Variants in LDLRAD3 observed in about 807,000 individuals in gnomAD.
LDLRAD3 encodes the protein low density lipoprotein receptor class A domain containing 3.
LDLRAD3 carries 20 observed loss-of-function variants against 29.4 expected under a neutral mutation model. The observed-to-expected ratio is 0.68, with a 90% CI of 0.48 to 0.99. The LOEUF is 0.99. Ranked by LOEUF, LDLRAD3 falls within the 50% of genes least tolerant of loss-of-function variation. The pLI is 0.00. For synonymous variants in LDLRAD3, 157 were observed against 192.7 expected (o/e 0.81, Z 1.53); for missense variants, 420 against 454.3 (o/e 0.92, Z 0.69).
chr11:35,958,861 C>A (rs951328497), intron 1 of LDLRAD3, among the ~76,000 whole-genome samples: 1 of 152,146 alleles, frequency 6.6e-6, no homozygotes, highest in Non-Finnish European at 1.5e-5. Context: ...AAGGTGACAA[C>A]CACCCCAGAC....
intron 2 of LDLRAD3, among the ~76,000 whole-genome samples, chr11:36,065,080 CTAGT>C (rs1306539067): frequency 6.6e-6 from 1 of 152,186 alleles, no homozygotes; most frequent in African/African-American, 2.4e-5. Flanking sequence ...GATCTTCAGC[CTAGT>C]TATTCTATCC....
In LDLRAD3 at chr11:36,140,992, T is replaced by TTCTCTCTCTCTCTCTCTC. The variant is rs557939353; in HGVS notation, c.454+42558_454+42575dup. Among the ~76,000 whole-genome samples, 1,076 of 109,996 alleles carry TTCTCTCTCTCTCTCTCTC rather than the reference T, an allele frequency of 9.8e-3. 87 individuals are homozygous for TTCTCTCTCTCTCTCTCTC. The highest frequency in any genetic ancestry group is 0.013 in the Non-Finnish European group (699 of 53,344). 72.2% of individuals were successfully genotyped at this position (109,996 alleles called of 152,430 possible). A position where few individuals can be genotyped will look rare whatever the true frequency, so the allele number is the denominator to read the frequency against. ...TTTTAATTCTGGGTGCTGTTGAGCT[T>TTCTCTCTCTCTCTCTCTC]TCTCTCTCTCTCTCTCTCTCTCTCT... On this transcript the variant is annotated intron_variant, in intron 4 of 5. Coordinates refer to ENST00000315571, the MANE Select transcript of LDLRAD3 (RefSeq NM_174902.4).
chr11:36,086,659 T>C (rs1378912271), intron 3 of LDLRAD3, among the ~76,000 whole-genome samples: 1 of 152,202 alleles, frequency 6.6e-6, no homozygotes, highest in East Asian at 1.9e-4. Context: ...CTTTCTCTTC[T>C]TAGTGTCTCT....
chr11:35,997,484 C>T, intron 1 of LDLRAD3: 1 of 390,176 alleles, frequency 2.6e-6, no homozygotes, highest in South Asian at 2.2e-5. Flanking sequence ...TGGGTCTGTT[C>T]TGAATGGTCA....
chr11:36,058,562 T>C (rs943465893), intron 2 of LDLRAD3, among the ~76,000 whole-genome samples: 12 of 152,240 alleles, frequency 7.9e-5, no homozygotes, highest in African/African-American at 2.4e-4. Context: ...GAGAGCCCTC[T>C]GAATGTCTGA....
intron 4 of LDLRAD3, among the ~76,000 whole-genome samples, chr11:36,175,914 C>T (rs1057396506): frequency 1.3e-5 from 2 of 152,044 alleles, no homozygotes; most frequent in African/African-American, 4.8e-5. Flanking sequence ...ATTGAAGTCC[C>T]CCACTATTAT....
At chr11:36,196,049 C>A (rs1182963671) in intron 4 of LDLRAD3, among the ~76,000 whole-genome samples, 1 of 148,930 alleles carries the variant, frequency 6.7e-6, no homozygotes, top group Non-Finnish European at 1.5e-5. Context: ...AAAAAGCATA[C>A]CCCATCCAAA....
At chr11:35,962,382 T>C (rs1381473732) in intron 1 of LDLRAD3, among the ~76,000 whole-genome samples, 2 of 152,126 alleles carry the variant, frequency 1.3e-5, no homozygotes, top group African/African-American at 4.8e-5. Flanking sequence ...CTCATCTCAG[T>C]CTCGTTTTGC....
intron 4 of LDLRAD3, among the ~76,000 whole-genome samples, chr11:36,190,005 C>G (rs926472516): frequency 2.1e-5 from 3 of 146,144 alleles, no homozygotes; most frequent in Non-Finnish European, 4.4e-5. Context: ...CCAAGGATCA[C>G]CAGACATTTG....
chr11:35,946,030 T>C (rs1434948798), intron 1 of LDLRAD3, among the ~76,000 whole-genome samples: 2 of 152,198 alleles, frequency 1.3e-5, no homozygotes, highest in African/African-American at 4.8e-5. Flanking sequence ...TCTAGGCAGG[T>C]TGGAGTGTGT....
chr11:36,093,919 G>A (rs991286269), intron 3 of LDLRAD3, among the ~76,000 whole-genome samples: 1 of 151,910 alleles, frequency 6.6e-6, no homozygotes, highest in Non-Finnish European at 1.5e-5. Context: ...AAAGGTTAAA[G>A]TTGAAGACAC....
chr11:36,130,593 T>C (rs1278022915), intron 4 of LDLRAD3, among the ~76,000 whole-genome samples: 1 of 152,150 alleles, frequency 6.6e-6, no homozygotes, highest in Admixed American at 6.5e-5. Flanking sequence ...TCTGCTAAGA[T>C]AGTGATGACT....
At chr11:36,073,071 A>C (rs147188066) in intron 2 of LDLRAD3, among the ~76,000 whole-genome samples, 2 of 152,222 alleles carry the variant, frequency 1.3e-5, no homozygotes, top group African/African-American at 4.8e-5. Flanking sequence ...GGTATTAGTA[A>C]GTAGAGCTCA....
intron 4 of LDLRAD3, among the ~76,000 whole-genome samples, chr11:36,102,864 G>T: frequency 6.6e-6 from 1 of 152,096 alleles, no homozygotes; most frequent in East Asian, 1.9e-4. Flanking sequence ...TACAAATGTT[G>T]ACTGAATGTG....
At chr11:36,022,277 C>T (rs1042082325) in intron 1 of LDLRAD3, among the ~76,000 whole-genome samples, 2 of 152,078 alleles carry the variant, frequency 1.3e-5, no homozygotes, top group African/African-American at 4.8e-5. Flanking sequence ...TGTTATGTAC[C>T]TACATTACAT....
At chr11:36,138,888 T>C (rs1294094791) in intron 4 of LDLRAD3, among the ~76,000 whole-genome samples, 1 of 152,240 alleles carries the variant, frequency 6.6e-6, no homozygotes, top group East Asian at 1.9e-4. Context: ...TAACATGTAA[T>C]CCCTATGTAA....
At position 35,951,913 on chromosome 11, in the gene LDLRAD3, A is replaced by G. The variant is rs115279667; in HGVS notation, c.46+7769A>G. ...CCCACCCTGTGCTTTTAGAAGATGC[A>G]GTTGGCCATTAGGTACATCCTGATG... On this transcript the variant is annotated intron_variant, in intron 1 of 5. Transcript: ENST00000315571. 6.3e-3 allele frequency among the ~76,000 whole-genome samples: 959 copies of G among 152,358 alleles called. 11 individuals carry two copies. The highest frequency in any genetic ancestry group is 0.021 in the African/African-American group (863 of 41,584).
chr11:36,091,712 A>G (rs542989378), intron 3 of LDLRAD3, among the ~76,000 whole-genome samples: 2 of 152,352 alleles, frequency 1.3e-5, no homozygotes, highest in South Asian at 2.1e-4. Context: ...ACTGAGTAAC[A>G]TAATACATTT....
At chr11:36,118,704 TATTA>T (rs1481354969) in intron 4 of LDLRAD3, among the ~76,000 whole-genome samples, 2 of 152,162 alleles carry the variant, frequency 1.3e-5, no homozygotes, top group African/African-American at 4.8e-5. Flanking sequence ...TAATATACCA[TATTA>T]ATTCCCCCAT....
Sources: allele counts gnomAD v4.1 joint callset (sites outside exome capture counted in the v4.1 genomes callset), GRCh38; gene constraint gnomAD v4.1.1; transcripts MANE v1.5; gene names NCBI Gene and HGNC (gene_info 2026-07-23, HGNC 2026-07-21).